SCLY: variants seen among roughly 807,000 people sequenced by gnomAD.
SCLY encodes the protein selenocysteine lyase, also known as putative selenocysteine lyase.
In SCLY, 38 loss-of-function variants were observed where a neutral mutation model predicts 50.1. The observed-to-expected ratio is 0.76, with a 90% CI of 0.59 to 0.99. SCLY has a LOEUF of 0.99. Ranked by LOEUF, SCLY falls within the 50% of genes least tolerant of loss-of-function variation. SCLY has a pLI of 0.00. For synonymous variants in SCLY, 243 were observed against 249.4 expected (o/e 0.97, Z 0.24); for missense variants, 600 against 620.0 (o/e 0.97, Z 0.34).
Position 238,069,267 on chromosome 2 carries a change from G to A in SCLY, c.304-30G>A, listed in dbSNP as rs1473534650. The A allele has an allele frequency of 6.2e-7, 1 of 1,605,912 alleles. No individual in the cohort carries two copies. On this transcript the variant is annotated intron_variant, in intron 3 of 11. Transcript: ENST00000254663. The surrounding 1 kb of genome is among the most constrained non-coding windows in gnomAD (Gnocchi z 5.0). ...TGACCCTTACCTCAGCACAGTTTTT[G>A]TAAATGCTTTTTTTGCTGTATCTCT...
Position 238,096,876 on chromosome 2 carries a change from A to G in SCLY, c.1184A>G (p.Gln395Arg), listed in dbSNP as rs1471517132. 4 of 1,608,698 alleles carry G rather than the reference A, an allele frequency of 2.5e-6. No homozygotes were observed. The change falls in exon 11 of 12, where the codon CAG (glutamine) becomes CGG (arginine). Residue 395 changes from glutamine to arginine, a missense_variant and splice_region_variant. Coordinates refer to ENST00000254663, the MANE Select transcript of SCLY (RefSeq NM_016510.7). ...GAACHSDHGD[Q>R]PSPVLLSYGV... ...GCGTGCCACTCGGACCACGGGGACC[A>G]GTAAGTGCTCTTCACAAACCCAGTC... is the stretch of plus-strand genomic sequence containing the variant.
At position 238,098,661 on chromosome 2, in the gene SCLY, A is replaced by ACCGCCCACATGG. The variant is rs1553568663; in HGVS notation, c.*306_*307insCCGCCCACATGG. On this transcript the variant is annotated 3_prime_UTR_variant, in exon 12 of 12. Transcript: ENST00000254663. ...ACCGCCCACATGGGACCGCCCACAT[A>ACCGCCCACATGG]GAACCGTCCTCCAGTGGTGAAGCGG... 1.3e-4 allele frequency: 26 copies of ACCGCCCACATGG among 204,722 alleles called. No homozygotes were observed. Among genetic ancestry groups the ACCGCCCACATGG allele is most frequent in the East Asian group, 1.2e-3 (8 of 6,820 alleles). The allele number at this position is 204,722 out of a possible 1,614,324, so 12.7% of individuals were successfully genotyped here.
intron 8 of SCLY, chr2:238,093,214 TGCCTGCCATGGC>T: frequency 6.5e-6 from 1 of 154,172 alleles, no homozygotes; most frequent in Admixed American, 6.4e-5. Context: ...AGGGTCTGGA[TGCCTGCCATGGC>T]CTCCTGGGGG....
intron 10 of SCLY, 44 bp from the exon 11 acceptor site, chr2:238,096,757 C>T: frequency 6.3e-7 from 1 of 1,576,296 alleles, no homozygotes; most frequent in South Asian, 1.2e-5. Context: ...GAAGGGCAAC[C>T]TGGCTGGAGC....
intron 7 of SCLY, among the ~76,000 whole-genome samples, chr2:238,084,992 C>A (rs1426318598): frequency 1.3e-5 from 2 of 151,402 alleles, no homozygotes; most frequent in African/African-American, 4.9e-5. Flanking sequence ...AAAATGGCAG[C>A]CCAAACAGAA....
Position 238,098,430 on chromosome 2 carries a change from C to T in SCLY, c.*75C>T. ...ACAGGGTTGTCCCTCCAGTTCCCTC[C>T]TGAGGGCTGTGCCAGGATGACTGTC... On this transcript the variant is annotated 3_prime_UTR_variant, in exon 12 of 12. Coordinates refer to ENST00000254663, the MANE Select transcript of SCLY (RefSeq NM_016510.7). The T allele has an allele frequency of 1.4e-6, 2 of 1,435,276 alleles. No individual in the cohort carries two copies. The highest frequency in any genetic ancestry group is 2.5e-5 in the East Asian group (1 of 40,652). 88.9% of individuals were successfully genotyped at this position (1,435,276 alleles called of 1,614,324 possible). A position where few individuals can be genotyped will look rare whatever the true frequency, so the allele number is the denominator to read the frequency against.
At chr2:238,070,574 G>A (rs181109157) in intron 4 of SCLY, among the ~76,000 whole-genome samples, 3 of 152,184 alleles carry the variant, frequency 2.0e-5, no homozygotes, top group Admixed American at 1.3e-4. Flanking sequence ...CAGCTTCTGG[G>A]GAGGTTGAGG....
intron 1 of SCLY, 83 bp from the exon 2 acceptor site, chr2:238,064,274 C>G: frequency 1.3e-6 from 1 of 795,350 alleles, no homozygotes; most frequent in Non-Finnish European, 2.0e-6. Flanking sequence ...TTGCTCCTGC[C>G]GATGGGATAG....
intron 8 of SCLY, chr2:238,093,576 T>G: frequency 2.3e-6 from 1 of 441,892 alleles, no homozygotes; most frequent in Non-Finnish European, 4.1e-6. Context: ...TTCCCCTGCT[T>G]TTGTCCGTCT....
In SCLY at chr2:238,098,388, G is replaced by T; in HGVS notation, c.*33G>T. 6.4e-7 allele frequency: 1 copy of T among 1,558,370 alleles called. No individual in the cohort carries two copies. The highest frequency in any genetic ancestry group is 2.3e-5 in the East Asian group (1 of 43,610). ...GCCGCCTTCCCCACCCCGCTTCTGGGAAGCCCGTGGCAGGGCACAGGGTTG... is the reference window on the plus strand; with the variant it reads ...GCCGCCTTCCCCACCCCGCTTCTGGTAAGCCCGTGGCAGGGCACAGGGTTG... On this transcript the variant is annotated 3_prime_UTR_variant, in exon 12 of 12. Coordinates refer to ENST00000254663, the MANE Select transcript of SCLY (RefSeq NM_016510.7).
chr2:238,078,593 CTCCTATACAGTTCTGTTCCT>C (rs2065197787), intron 4 of SCLY: 1 of 151,968 alleles, frequency 6.6e-6, no homozygotes. Flanking sequence ...AGAAATGTTA[CTCCTATACAGTTCTGTTCCT>C]TCTTCTTTTT....
At chr2:238,074,078 G>A (rs562250317) in intron 4 of SCLY, among the ~76,000 whole-genome samples, 1 of 152,180 alleles carries the variant, frequency 6.6e-6, no homozygotes, top group East Asian at 1.9e-4. Context: ...GTGAAGCGGG[G>A]AACGGATCAC....
Position 238,067,580 on chromosome 2 carries a change from T to A in SCLY, c.203-485T>A, listed in dbSNP as rs1576661775. Among the ~76,000 whole-genome samples the A allele has an allele frequency of 6.6e-6, 1 of 152,246 alleles. No homozygotes were observed. The highest frequency in any genetic ancestry group is 1.9e-4 in the East Asian group (1 of 5,198). ...CAGGTGTGTCCCTGAGACAGTAACC[T>A]TTGTAGCCCAGGTACCCTGTGGGCG... On this transcript the variant is annotated intron_variant, in intron 2 of 11. Coordinates refer to ENST00000254663, the MANE Select transcript of SCLY (RefSeq NM_016510.7). The surrounding 1 kb of genome is among the most constrained non-coding windows in gnomAD (Gnocchi z 4.3).
At chr2:238,071,826 C>T (rs1272925039) in intron 4 of SCLY, among the ~76,000 whole-genome samples, 1 of 152,148 alleles carries the variant, frequency 6.6e-6, no homozygotes, top group Non-Finnish European at 1.5e-5. Context: ...ATAAGCCTTC[C>T]TCGCACTCCC....
intron 4 of SCLY, among the ~76,000 whole-genome samples, chr2:238,074,139 T>G (rs1404453424): frequency 2.0e-5 from 3 of 151,932 alleles, no homozygotes; most frequent in African/African-American, 7.3e-5. Context: ...AAACCCCATC[T>G]CTACTAAATA....
chr2:238,082,005 G>A, intron 5 of SCLY, 40 bp from the exon 6 acceptor site: 1 of 1,597,522 alleles, frequency 6.3e-7, no homozygotes, highest in South Asian at 1.1e-5. Context: ...GTTTTCATCA[G>A]ATCGGAGCAA....
intron 1 of SCLY, 51 bp from the exon 2 acceptor site, chr2:238,064,306 C>G: frequency 8.4e-7 from 1 of 1,195,434 alleles, no homozygotes; most frequent in Non-Finnish European, 1.2e-6. Context: ...CCATATTTCC[C>G]ATATGCCATC....
chr2:238,093,808 C>A (rs1239210779), intron 8 of SCLY, 53 bp from the exon 9 acceptor site: 21 of 1,536,564 alleles, frequency 1.4e-5, no homozygotes, highest in Non-Finnish European at 2.7e-6. Context: ...GCTTTTTGGC[C>A]CTCCTTTATT....
At chr2:238,082,008 C>A in intron 5 of SCLY, 37 bp from the exon 6 acceptor site, 1 of 1,597,608 alleles carries the variant, frequency 6.3e-7, no homozygotes, top group Non-Finnish European at 8.6e-7. Flanking sequence ...TTCATCAGAT[C>A]GGAGCAACAT....
Sources: gnomAD v4.1 joint callset for allele counts (sites outside exome capture counted in the v4.1 genomes callset) on GRCh38, gnomAD v4.1.1 for gene constraint, Gnocchi (gnomAD v3.1) non-coding constraint, MANE v1.5 for transcripts, NCBI Gene and HGNC (gene_info 2026-07-23, HGNC 2026-07-21) for gene names.